The following GRIN2A variants were observed in gnomAD, a reference collection of about 807,000 sequenced individuals.
GRIN2A encodes glutamate ionotropic receptor NMDA type subunit 2A.
In GRIN2A, 22 loss-of-function variants were observed where a neutral mutation model predicts 113.4. The ratio of observed to expected loss-of-function variants is 0.19; its 90% CI spans 0.14 to 0.28. The LOEUF (loss-of-function observed/expected upper bound fraction) is 0.28. GRIN2A is among the 10% of genes least tolerant of loss of function. The pLI is 1.00. For synonymous variants in GRIN2A, 827 were observed against 738.4 expected (o/e 1.12, Z -1.94); for missense variants, 1,502 against 1,887.0 (o/e 0.80, Z 3.78).
Position 9,764,121 on chromosome 16 carries a change from C to A in GRIN2A, c.3423G>T (p.Leu1141=), listed in dbSNP as rs571139331. ...DPPQFVENVT[L]PENVDFPDPY... ...GGTCCGGGAAGTCCACGTTCTCGGG[C>A]AGGGTCACATTTTCAACAAACTGGG... Residue 1141 remains leucine, a synonymous_variant, in exon 13 of 13, where the codon CTG becomes CTT. Coordinates refer to ENST00000330684, the MANE Select transcript of GRIN2A (RefSeq NM_001134407.3). 1 of 1,613,704 alleles carries A rather than the reference C, an allele frequency of 6.2e-7. No homozygotes were observed. The highest frequency in any genetic ancestry group is 2.2e-5 in the East Asian group (1 of 44,868).
intron 4 of GRIN2A, among the ~76,000 whole-genome samples, chr16:9,859,966 G>A (rs895556820): frequency 1.3e-4 from 20 of 151,726 alleles, no homozygotes; most frequent in African/African-American, 4.4e-4. Context: ...CTGGGGCTAC[G>A]GTGGTGAACA....
intron 11 of GRIN2A, 133 bp downstream of exon 11, chr16:9,798,144 G>A: frequency 1.3e-6 from 1 of 747,414 alleles, no homozygotes; most frequent in Non-Finnish European, 2.3e-6. Flanking sequence ...ATGGTTTCAT[G>A]TGACAGGAAC....
intron 2 of GRIN2A, among the ~76,000 whole-genome samples, chr16:10,125,626 G>A (rs528449333): frequency 2.9e-5 from 4 of 136,422 alleles, no homozygotes; most frequent in African/African-American, 1.1e-4. Flanking sequence ...TGCTCATGGT[G>A]GGAGGAAAAA....
intron 4 of GRIN2A, among the ~76,000 whole-genome samples, chr16:9,887,808 C>T (rs2043614060): frequency 6.6e-6 from 1 of 152,162 alleles, no homozygotes; most frequent in Admixed American, 6.5e-5. Context: ...CCTGTGATCT[C>T]AGCACTTTGG....
chr16:9,841,117 A>T lies in GRIN2A; in HGVS notation c.1329-13T>A. On this transcript the variant is annotated splice_polypyrimidine_tract_variant and intron_variant, in intron 5 of 12. Coordinates refer to ENST00000330684, the MANE Select transcript of GRIN2A (RefSeq NM_001134407.3). ...ATTGGTTGAATTGCTGTAAAGAAAA[A>T]CCCCAAGACCACAGAATGTTAGCAC... 1 of 1,606,966 alleles carries T rather than the reference A, an allele frequency of 6.2e-7. No homozygotes were observed. Among genetic ancestry groups the T allele is most frequent in the Admixed American group, 1.7e-5 (1 of 59,952 alleles).
At chr16:10,062,064 A>C (rs1453302487) in intron 2 of GRIN2A, among the ~76,000 whole-genome samples, 1 of 152,204 alleles carries the variant, frequency 6.6e-6, no homozygotes, top group Non-Finnish European at 1.5e-5. Flanking sequence ...TGGCCGGACC[A>C]AAGTCACATA....
In GRIN2A at chr16:10,055,073, AAAAAAAAAAAAAGAAAAAAGAAAG is replaced by A; in HGVS notation, c.415-116546_415-116523del. On this transcript the variant is annotated intron_variant, in intron 2 of 12. Coordinates refer to ENST00000330684, the MANE Select transcript of GRIN2A (RefSeq NM_001134407.3). ...AAAAAAAAAAAAAAAAAAAAAAAAA[AAAAAAAAAAAAAGAAAAAAGAAAG>A]AAAGAAAGAAAAAAGAAAAAAAAAA... Among the ~76,000 whole-genome samples the A allele has an allele frequency of 3.8e-5, 3 of 78,416 alleles. 1 individual carries two copies. The highest frequency in any genetic ancestry group is 1.9e-4 in the African/African-American group (3 of 15,746). The allele number at this position is 78,416 out of a possible 152,430, so 51.4% of individuals were successfully genotyped here.
intron 3 of GRIN2A, among the ~76,000 whole-genome samples, chr16:9,896,810 G>T (rs1466482869): frequency 6.6e-6 from 1 of 152,070 alleles, no homozygotes; most frequent in Admixed American, 6.6e-5. Context: ...TATTTCCATG[G>T]GCTTTCTTCC....
At chr16:10,167,753 T>G (rs2049954808) in intron 2 of GRIN2A, among the ~76,000 whole-genome samples, 1 of 152,176 alleles carries the variant, frequency 6.6e-6, no homozygotes, top group Non-Finnish European at 1.5e-5. Flanking sequence ...AGACAATATA[T>G]CAATTGCCAT....
chr16:9,941,624 G>C (rs906494841), intron 2 of GRIN2A, among the ~76,000 whole-genome samples: 68 of 152,150 alleles, frequency 4.5e-4, no homozygotes, highest in African/African-American at 1.6e-3. Flanking sequence ...TAGAACCTCT[G>C]GGGTTGGACT....
At chr16:10,092,900 A>G (rs981595414) in intron 2 of GRIN2A, among the ~76,000 whole-genome samples, 2 of 148,812 alleles carry the variant, frequency 1.3e-5, no homozygotes, top group Non-Finnish European at 3.0e-5. Flanking sequence ...GTGCAATGCC[A>G]CAATCTTGGC....
At chr16:9,873,985 T>C (rs528831415) in intron 4 of GRIN2A, among the ~76,000 whole-genome samples, 1 of 152,330 alleles carries the variant, frequency 6.6e-6, no homozygotes, top group Admixed American at 6.5e-5. Context: ...TGAGAGGCCA[T>C]TGGTTTCTAT....
Position 10,075,013 on chromosome 16 carries a change from G to A in GRIN2A, c.414+104985C>T, listed in dbSNP as rs76606090. Among the ~76,000 whole-genome samples the A allele has an allele frequency of 7.2e-5, 11 of 152,264 alleles. No individual in the cohort carries two copies. The East Asian group carries it at 2.1e-3, about 29-fold the overall frequency. ...CTTCAAAGAATCCTCCAATGAAGGA[G>A]TTTCCATTATTATCAAAGGACAGCC... On this transcript the variant is annotated intron_variant, in intron 2 of 12. Transcript: ENST00000330684.
chr16:9,957,835 C>T (rs2045341643), intron 2 of GRIN2A, among the ~76,000 whole-genome samples: 1 of 152,172 alleles, frequency 6.6e-6, no homozygotes, highest in Non-Finnish European at 1.5e-5. Flanking sequence ...TAGACTTGGG[C>T]AGGTGAACAT....
intron 2 of GRIN2A, among the ~76,000 whole-genome samples, chr16:10,144,084 C>A (rs1417827581): frequency 6.6e-6 from 1 of 152,040 alleles, no homozygotes; most frequent in African/African-American, 2.4e-5. Context: ...GATTTCAATT[C>A]TTTGGGATAT....
chr16:10,044,046 GACAGAGAC>G lies in GRIN2A; in HGVS notation c.415-105503_415-105496del, dbSNP rs767979031. On this transcript the variant is annotated intron_variant, in intron 2 of 12. Transcript: ENST00000330684. Reference sequence around the variant, plus strand: ...ATAGAGAGAGAGAGAGAGAGAGAGAGACAGAGACAGAGACAGAGACAGAGACAGAGAGT... The same window carrying G: ...ATAGAGAGAGAGAGAGAGAGAGAGAGAGAGACAGAGACAGAGACAGAGAGT... Among the ~76,000 whole-genome samples the G allele has an allele frequency of 6.4e-3, 846 of 131,708 alleles. 11 individuals are homozygous for G. The highest frequency in any genetic ancestry group is 0.024 in the African/African-American group (790 of 33,280). The allele number at this position is 131,708 out of a possible 152,430, so 86.4% of individuals were successfully genotyped here. A position where few individuals can be genotyped will look rare whatever the true frequency, so the allele number is the denominator to read the frequency against.
rs1379285680 is a variant in GRIN2A at position 9,891,068 on chromosome 16, T to A, written c.1040A>T (p.Asp347Val). 6.2e-7 allele frequency: 1 copy of A among 1,612,272 alleles called. No homozygotes were observed. The highest frequency in any genetic ancestry group is 8.5e-7 in the Non-Finnish European group (1 of 1,178,426). The change falls in exon 4 of 13, where the codon GAC (aspartate) becomes GTC (valine). Residue 347 changes from aspartate to valine, a missense_variant. Transcript: ENST00000330684. ...FMVNVTWDGK[D>V]LSFTEEGYQV... ...GTAGCCTTCCTCAGTGAAGGATAAG[T>A]CTTTGCCATCCCATGTAACATTGAC...
At chr16:10,090,212 C>CA (rs370441439) in intron 2 of GRIN2A, among the ~76,000 whole-genome samples, 97 of 142,192 alleles carry the variant, frequency 6.8e-4, no homozygotes, top group African/African-American at 1.6e-3. Flanking sequence ...TTCCAGTAGC[C>CA]AAAAAAAAAA....
Position 10,180,493 on chromosome 16 carries a change from C to A in GRIN2A, c.-18-64G>T. The A allele has an allele frequency of 6.5e-7, 1 of 1,543,348 alleles. No individual in the cohort carries two copies. On this transcript the variant is annotated intron_variant, in intron 1 of 12. Coordinates refer to ENST00000330684, the MANE Select transcript of GRIN2A (RefSeq NM_001134407.3). The surrounding 1 kb of genome is among the most constrained non-coding windows in gnomAD (Gnocchi z 7.0). ...AAGGCGACCAGAAGAAAGGGATTACCAACTTGGCTTCCTGCTCTAGGAGCC... is the reference window on the plus strand; with the variant it reads ...AAGGCGACCAGAAGAAAGGGATTACAAACTTGGCTTCCTGCTCTAGGAGCC...
Sources: gnomAD v4.1 joint callset for allele counts (sites outside exome capture counted in the v4.1 genomes callset) on GRCh38, gnomAD v4.1.1 for gene constraint, Gnocchi (gnomAD v3.1) non-coding constraint, MANE v1.5 for transcripts, NCBI Gene and HGNC (gene_info 2026-07-23, HGNC 2026-07-21) for gene names.